KCNMB2: variants seen among roughly 807,000 people sequenced by gnomAD.
The protein encoded by KCNMB2 is potassium calcium-activated channel subfamily M regulatory beta subunit 2.
A neutral mutation model predicts 24.5 loss-of-function variants in KCNMB2; 9 were observed. The observed-to-expected ratio is 0.37, with a 90% CI of 0.22 to 0.64. KCNMB2 has a LOEUF of 0.64. Among genes scored for constraint, KCNMB2 ranks in the 30% least tolerant of loss-of-function variants. The pLI is 0.63. For synonymous variants in KCNMB2, 109 were observed against 104.4 expected (o/e 1.04, Z -0.27); for missense variants, 226 against 284.3 (o/e 0.79, Z 1.47).
chr3:178,581,458 CAA>C (rs200964105), intron 1 of KCNMB2, among the ~76,000 whole-genome samples: 1,845 of 152,256 alleles, frequency 0.012, 43 homozygotes, highest in African/African-American at 0.041. Context: ...TAGGCTTAGG[CAA>C]AGTCTTCGTG....
chr3:178,809,984 C>T (rs914704049), intron 2 of KCNMB2, among the ~76,000 whole-genome samples: 4 of 151,958 alleles, frequency 2.6e-5, no homozygotes, highest in Non-Finnish European at 5.9e-5. Context: ...TCTGCCATTC[C>T]TTAGTTTAAT....
intron 4 of KCNMB2, chr3:178,841,504 G>A (rs973372441): frequency 2.6e-5 from 4 of 152,150 alleles, no homozygotes; most frequent in African/African-American, 9.7e-5. Context: ...TACTACCTGA[G>A]ACTGGGTAAT....
chr3:178,713,892 G>A (rs959262187), intron 1 of KCNMB2, among the ~76,000 whole-genome samples: 1 of 152,194 alleles, frequency 6.6e-6, no homozygotes, highest in African/African-American at 2.4e-5. Flanking sequence ...CCCCTGGAAT[G>A]CATGAATCCC....
chr3:178,577,274 G>A (rs1717030245), intron 1 of KCNMB2, among the ~76,000 whole-genome samples: 1 of 152,136 alleles, frequency 6.6e-6, no homozygotes, highest in Non-Finnish European at 1.5e-5. Context: ...TGCAGAAGAG[G>A]GGCCTGACTG....
chr3:178,778,659 T>C (rs540126099), intron 1 of KCNMB2, among the ~76,000 whole-genome samples: 4 of 152,298 alleles, frequency 2.6e-5, no homozygotes, highest in African/African-American at 7.2e-5. Context: ...ATATTTGATG[T>C]TACAGTTTGT....
At chr3:178,637,057 G>A (rs1391568929) in intron 1 of KCNMB2, among the ~76,000 whole-genome samples, 1 of 151,964 alleles carries the variant, frequency 6.6e-6, no homozygotes, top group Non-Finnish European at 1.5e-5. Context: ...TGGCTGCATA[G>A]TATTCCATGG....
intron 1 of KCNMB2, among the ~76,000 whole-genome samples, chr3:178,560,062 A>T (rs1716259695): frequency 6.8e-6 from 1 of 147,980 alleles, no homozygotes; most frequent in Non-Finnish European, 1.5e-5. Context: ...AACAGGGAAA[A>T]TGAATATATA....
intron 1 of KCNMB2, among the ~76,000 whole-genome samples, chr3:178,770,499 C>G (rs552007778): frequency 6.6e-6 from 1 of 152,294 alleles, no homozygotes; most frequent in South Asian, 2.1e-4. Flanking sequence ...CAGACAGGAC[C>G]TAGCGGTGTT....
At chr3:178,837,865 T>C (rs1393865327) in intron 4 of KCNMB2, among the ~76,000 whole-genome samples, 1 of 152,136 alleles carries the variant, frequency 6.6e-6, no homozygotes, top group Non-Finnish European at 1.5e-5. Context: ...GTCTGACAAA[T>C]GTTTCTTTAA....
At chr3:178,693,400 CTT>C (rs1721754680) in intron 1 of KCNMB2, among the ~76,000 whole-genome samples, 2 of 152,050 alleles carry the variant, frequency 1.3e-5, no homozygotes, top group South Asian at 2.1e-4. Context: ...TTATATGACT[CTT>C]ATAATTTTGA....
intron 1 of KCNMB2, among the ~76,000 whole-genome samples, chr3:178,716,027 A>C (rs868825959): frequency 6.6e-6 from 1 of 152,166 alleles, no homozygotes; most frequent in Non-Finnish European, 1.5e-5. Context: ...GTATCTTTCC[A>C]TACTGTCAGT....
chr3:178,730,464 C>T (rs993465089), intron 1 of KCNMB2, among the ~76,000 whole-genome samples: 1 of 148,580 alleles, frequency 6.7e-6, no homozygotes, highest in African/African-American at 2.5e-5. Context: ...TCAGCTACTC[C>T]AATAATTTCC....
At position 178,662,381 on chromosome 3, in the gene KCNMB2, C is replaced by T. The variant is rs374640122; in HGVS notation, c.-68+125670C>T. On this transcript the variant is annotated intron_variant, in intron 1 of 4. Transcript: ENST00000452583. Reference sequence around the variant, plus strand: ...AATGCCTCAAAAAAGTTTTGAAAAACGATTTGAGGTAGCTTAGAGACACAT... The same window carrying T: ...AATGCCTCAAAAAAGTTTTGAAAAATGATTTGAGGTAGCTTAGAGACACAT... 1.3e-4 allele frequency among the ~76,000 whole-genome samples: 20 copies of T among 152,032 alleles called. No homozygotes were observed. The South Asian group carries it at 2.1e-3, about 16-fold the overall frequency.
chr3:178,570,233 T>A (rs998385343), intron 1 of KCNMB2, among the ~76,000 whole-genome samples: 57 of 152,148 alleles, frequency 3.7e-4, no homozygotes, highest in African/African-American at 1.2e-3. Flanking sequence ...TTTCCTAGTT[T>A]TCATGTATTT....
intron 1 of KCNMB2, among the ~76,000 whole-genome samples, chr3:178,584,279 T>C (rs563158732): frequency 2.0e-5 from 3 of 152,342 alleles, no homozygotes; most frequent in East Asian, 3.9e-4. Flanking sequence ...GGTCCAAGGT[T>C]GGTGTATTAG....
intron 1 of KCNMB2, among the ~76,000 whole-genome samples, chr3:178,620,234 A>G (rs1038869642): frequency 5.4e-5 from 7 of 128,494 alleles, no homozygotes; most frequent in East Asian, 2.1e-4. Context: ...TAAGTTCTCA[A>G]TATTCATACA....
At chr3:178,756,033 A>G (rs192879354) in intron 1 of KCNMB2, among the ~76,000 whole-genome samples, 271 of 152,314 alleles carry the variant, frequency 1.8e-3, no homozygotes, top group Admixed American at 3.6e-3. Flanking sequence ...TGCTATATTC[A>G]TAAAATGAAA....
chr3:178,754,803 C>T (rs548148180), intron 1 of KCNMB2, among the ~76,000 whole-genome samples: 2 of 152,192 alleles, frequency 1.3e-5, no homozygotes, highest in African/African-American at 2.4e-5. Context: ...AGCTTCTAGA[C>T]CAGTTCCATC....
chr3:178,588,536 T>C (rs1717542596), intron 1 of KCNMB2, among the ~76,000 whole-genome samples: 1 of 152,172 alleles, frequency 6.6e-6, no homozygotes, highest in African/African-American at 2.4e-5. Context: ...GATATAATGC[T>C]ACTTATCAAA....
Sources: gnomAD v4.1 joint callset for allele counts (sites outside exome capture counted in the v4.1 genomes callset) on GRCh38, gnomAD v4.1.1 for gene constraint, MANE v1.5 for transcripts, NCBI Gene and HGNC (gene_info 2026-07-23, HGNC 2026-07-21) for gene names.